BDH1: variants seen among roughly 807,000 people sequenced by gnomAD.
BDH1 encodes the protein D-beta-hydroxybutyrate dehydrogenase, mitochondrial.
BDH1 carries 30 observed loss-of-function variants against 33.1 expected under a neutral mutation model. That is an observed-to-expected ratio of 0.91 (90% CI 0.68 to 1.23). The LOEUF (loss-of-function observed/expected upper bound fraction) is 1.23. Among genes scored for constraint, BDH1 ranks in the 50% most tolerant of loss-of-function variants. The probability of loss-of-function intolerance (pLI) is 0.00; values close to 1 mark genes in which losing one functional copy is unlikely to be tolerated. For missense variants in BDH1, 443 were observed against 464.4 expected (o/e 0.95, Z 0.42); for synonymous variants, 190 against 183.6 (o/e 1.03, Z -0.28).
At chr3:197,546,193 G>A in intron 3 of BDH1, 168 bp downstream of exon 3, 4 of 621,848 alleles carry the variant, frequency 6.4e-6, no homozygotes, top group Non-Finnish European at 1.1e-5. Context: ...TGTGCCCTGG[G>A]AAAATGTCTT....
At chr3:197,569,567 C>T (rs1466827705) in intron 1 of BDH1, among the ~76,000 whole-genome samples, 2 of 152,180 alleles carry the variant, frequency 1.3e-5, no homozygotes, top group South Asian at 2.1e-4. Flanking sequence ...GGTAGTTTCC[C>T]CCATACTTTT....
intron 3 of BDH1, among the ~76,000 whole-genome samples, chr3:197,543,606 C>G (rs1715842650): frequency 6.6e-6 from 1 of 152,208 alleles, no homozygotes; most frequent in African/African-American, 2.4e-5. Context: ...CTTATCCAGC[C>G]ACTCCTGGGA....
Position 197,514,172 on chromosome 3 carries a change from T to C in BDH1, c.562+92A>G, listed in dbSNP as rs1019869442. 3.4e-6 allele frequency: 5 copies of C among 1,478,392 alleles called. No individual in the cohort carries two copies. Among genetic ancestry groups the C allele is most frequent in the African/African-American group, 2.8e-5 (2 of 71,284 alleles). 91.6% of individuals were successfully genotyped at this position (1,478,392 alleles called of 1,614,324 possible). A position where few individuals can be genotyped will look rare whatever the true frequency, so the allele number is the denominator to read the frequency against. On this transcript the variant is annotated intron_variant, in intron 7 of 7. Transcript: ENST00000392379. The surrounding 1 kb of genome is among the most constrained non-coding windows in gnomAD (Gnocchi z 4.2). ...GCTCACCTCTGCTGAGTTGTGGACA[T>C]TGGAGCTGCTGGGACAGGTATTTCC...
chr3:197,560,694 C>T (rs1490839729), upstream of BDH1, among the ~76,000 whole-genome samples: 1 of 152,168 alleles, frequency 6.6e-6, no homozygotes. Context: ...ACAAGCATTT[C>T]AAACAGGTGT....
Position 197,516,527 on chromosome 3 carries a change from G to A in BDH1, c.410-2111C>T, listed in dbSNP as rs1475228535. On this transcript the variant is annotated intron_variant, in intron 6 of 7. Transcript: ENST00000392379. The surrounding 1 kb of genome is among the most constrained non-coding windows in gnomAD (Gnocchi z 4.2). ...AGGCATGCCCGCTGGTTGGGTGACA[G>A]CAACTTTCCTGTAACATCCCCAAGA... 6.6e-6 allele frequency among the ~76,000 whole-genome samples: 1 copy of A among 152,052 alleles called. No individual in the cohort carries two copies. The highest frequency in any genetic ancestry group is 1.5e-5 in the Non-Finnish European group (1 of 68,000).
intron 2 of BDH1, among the ~76,000 whole-genome samples, chr3:197,553,447 T>C (rs1240739534): frequency 6.7e-6 from 1 of 149,682 alleles, no homozygotes; most frequent in East Asian, 2.0e-4. Context: ...GAGAATTACT[T>C]GAACCCAGGA....
chr3:197,511,608 G>T lies in BDH1; in HGVS notation c.*287C>A, dbSNP rs148024758. ...AAATGAGATCTGTTTTTAATATAAA[G>T]ATGTTTTCTTAAAATCTCTGTATGA... On this transcript the variant is annotated 3_prime_UTR_variant, in exon 8 of 8. Coordinates refer to ENST00000392379, the MANE Select transcript of BDH1 (RefSeq NM_203314.3). 4.9e-6 allele frequency: 2 copies of T among 407,130 alleles called. No homozygotes were observed. Among genetic ancestry groups the T allele is most frequent in the Non-Finnish European group, 8.7e-6 (2 of 230,528 alleles). 25.2% of individuals were successfully genotyped at this position (407,130 alleles called of 1,614,324 possible). A position where few individuals can be genotyped will look rare whatever the true frequency, so the allele number is the denominator to read the frequency against.
chr3:197,512,164 C>T lies in BDH1; in HGVS notation c.763G>A (p.Ala255Thr). The change falls in exon 8 of 8, where the codon GCC (alanine) becomes ACC (threonine). Residue 255 changes from alanine to threonine, a missense_variant. Transcript: ENST00000392379. ...TSLYSPESIQ[A>T]IAKKMWEELP... ...TCCTCCCACATCTTCTTGGCGATGG[C>T]CTGAATGCTCTCAGGGCTGTAAAGG... is the stretch of plus-strand genomic sequence containing the variant. 6.2e-7 allele frequency: 1 copy of T among 1,614,164 alleles called. No individual in the cohort carries two copies.
chr3:197,548,437 G>C (rs976768040), intron 2 of BDH1, among the ~76,000 whole-genome samples: 2 of 152,202 alleles, frequency 1.3e-5, no homozygotes, highest in Admixed American at 6.5e-5. Flanking sequence ...TTAGCTCAAT[G>C]CCTGTGGCAG....
rs974700953 is a variant in BDH1 at position 197,521,432 on chromosome 3, G to A, written c.409+1208C>T. Among the ~76,000 whole-genome samples, 2 of 152,074 alleles carry A rather than the reference G, an allele frequency of 1.3e-5. No individual in the cohort carries two copies. The highest frequency in any genetic ancestry group is 2.4e-5 in the African/African-American group (1 of 41,386). Reference sequence around the variant, plus strand: ...TTTGACCCTGTTGGCTACTGGTACTGCCCTCTCCTCCAAACTTTCTGTTGT... The same window carrying A: ...TTTGACCCTGTTGGCTACTGGTACTACCCTCTCCTCCAAACTTTCTGTTGT... On this transcript the variant is annotated intron_variant, in intron 6 of 7. Coordinates refer to ENST00000392379, the MANE Select transcript of BDH1 (RefSeq NM_203314.3). The surrounding 1 kb of genome is among the most constrained non-coding windows in gnomAD (Gnocchi z 4.9).
At position 197,526,909 on chromosome 3, in the gene BDH1, C is replaced by T. The variant is rs147741150; in HGVS notation, c.268-4128G>A. Among the ~76,000 whole-genome samples the T allele has an allele frequency of 7.2e-5, 11 of 152,324 alleles. No individual in the cohort carries two copies. The East Asian group carries it at 2.1e-3, about 29-fold the overall frequency. ...TCAAGAACTTGGAGAAGTCCAGAAG[C>T]TCTCCAAGGCATTCATATGAAGCCC... On this transcript the variant is annotated intron_variant, in intron 5 of 7. Coordinates refer to ENST00000392379, the MANE Select transcript of BDH1 (RefSeq NM_203314.3). This position sits in a 1 kb window ranked among gnomAD's most constrained non-coding sequence, Gnocchi z 4.7.
chr3:197,559,942 T>C (rs1167588745), upstream of BDH1, among the ~76,000 whole-genome samples: 1 of 152,240 alleles, frequency 6.6e-6, no homozygotes, highest in African/African-American at 2.4e-5. Context: ...CAACACTGCA[T>C]GCACCAAGAT....
chr3:197,545,777 C>T (rs1410986658), intron 3 of BDH1, among the ~76,000 whole-genome samples: 1 of 152,228 alleles, frequency 6.6e-6, no homozygotes, highest in Non-Finnish European at 1.5e-5. Context: ...GATCCAGAAA[C>T]CCTTTCCAAC....
At chr3:197,535,986 C>T (rs943602275) in intron 3 of BDH1, among the ~76,000 whole-genome samples, 1 of 151,564 alleles carries the variant, frequency 6.6e-6, no homozygotes, top group African/African-American at 2.4e-5. Flanking sequence ...GCAGAGGTTG[C>T]AATGAGCTGA....
chr3:197,551,269 A>G (rs1716545318), intron 2 of BDH1, among the ~76,000 whole-genome samples: 1 of 152,132 alleles, frequency 6.6e-6, no homozygotes, highest in African/African-American at 2.4e-5. Context: ...CTACATCTCC[A>G]TGAGTTCAAT....
In BDH1 at chr3:197,571,269, G is replaced by T. The variant is rs555040208; in HGVS notation, c.-44+1912C>A. ...AAGTGGAAGAGACTTGCCTTATCTC[G>T]GGTAAGACTTTGGACTGTGGACTTT... On this transcript the variant is annotated intron_variant, in intron 1 of 6. Coordinates refer to the BDH1 transcript ENST00000358186. 1.8e-4 allele frequency among the ~76,000 whole-genome samples: 28 copies of T among 152,202 alleles called. No homozygotes were observed. In the South Asian group the frequency reaches 3.9e-3, roughly 21 times the overall value.
At position 197,523,032 on chromosome 3, in the gene BDH1, A is replaced by G; in HGVS notation, c.268-251T>C. On this transcript the variant is annotated intron_variant, in intron 5 of 7. Coordinates refer to ENST00000392379, the MANE Select transcript of BDH1 (RefSeq NM_203314.3). This position sits in a 1 kb window ranked among gnomAD's most constrained non-coding sequence, Gnocchi z 4.5. ...ATGAAGAGCCGGCCCCCAAGGCCTCAAGACAGGATTCCTTCTCCAAGCAGG... is the reference window on the plus strand; with the variant it reads ...ATGAAGAGCCGGCCCCCAAGGCCTCGAGACAGGATTCCTTCTCCAAGCAGG... The G allele has an allele frequency of 2.1e-6, 1 of 470,446 alleles. No homozygotes were observed. The highest frequency in any genetic ancestry group is 3.9e-5 in the Admixed American group (1 of 25,564). The allele number at this position is 470,446 out of a possible 1,614,324, so 29.1% of individuals were successfully genotyped here.
chr3:197,543,379 G>T (rs907299413), intron 3 of BDH1, among the ~76,000 whole-genome samples: 1 of 152,240 alleles, frequency 6.6e-6, no homozygotes, highest in Non-Finnish European at 1.5e-5. Context: ...CTCTGCCCGG[G>T]TCAGGCCACC....
chr3:197,547,786 A>G (rs1037572828), intron 2 of BDH1, among the ~76,000 whole-genome samples: 3 of 152,144 alleles, frequency 2.0e-5, no homozygotes, highest in African/African-American at 7.2e-5. Flanking sequence ...CGTCGCAGCC[A>G]CCACTGACTC....
Sources: gnomAD v4.1 joint callset for allele counts (sites outside exome capture counted in the v4.1 genomes callset) on GRCh38, gnomAD v4.1.1 for gene constraint, Gnocchi (gnomAD v3.1) non-coding constraint, MANE v1.5 for transcripts, NCBI Gene and HGNC (gene_info 2026-07-23, HGNC 2026-07-21) for gene names.